The following MUC5B variants were observed in gnomAD, a reference collection of about 807,000 sequenced individuals.
The protein encoded by MUC5B is mucin 5B, oligomeric mucus/gel-forming, also known as mucin-5B.
In MUC5B, 116 loss-of-function variants were observed where a neutral mutation model predicts 376.9. That is an observed-to-expected ratio of 0.31 (90% CI 0.26 to 0.36). The LOEUF is 0.36. MUC5B is among the 10% of genes least tolerant of loss of function. MUC5B has a pLI of 1.00. For synonymous variants in MUC5B, 3,517 were observed against 3,390.9 expected (o/e 1.04, Z -1.29); for missense variants, 7,165 against 7,769.9 (o/e 0.92, Z 2.93).
rs1862914819 is a variant in MUC5B, at chr11:1,258,742, GCCTGCCCAGATTC to G, written c.16594-191_16594-179del. Among the ~76,000 whole-genome samples, 1 of 151,960 alleles carries G rather than the reference GCCTGCCCAGATTC, an allele frequency of 6.6e-6. No individual in the cohort carries two copies. The highest frequency in any genetic ancestry group is 2.4e-5 in the African/African-American group (1 of 41,336). On this transcript the variant is annotated intron_variant, in intron 43 of 48. Coordinates refer to ENST00000529681, the MANE Select transcript of MUC5B (RefSeq NM_002458.3). The surrounding 1 kb of genome is among the most constrained non-coding windows in gnomAD (Gnocchi z 5.5). ...AGATTCCTGCCCACATGGGGTCTCT[GCCTGCCCAGATTC>G]CCTGCCCACCTGTGGTCCCTGTGTG...
chr11:1,233,156 G>T lies in MUC5B; in HGVS notation c.2209G>T (p.Gly737Cys). The T allele has an allele frequency of 6.2e-7, 1 of 1,606,578 alleles. No homozygotes were observed. The highest frequency in any genetic ancestry group is 2.2e-5 in the East Asian group (1 of 44,858). ...TGTGGACGGCTGCACCTGCCCCGCG[G>T]GCACCTTCCTCAATGACGCGGGCGC... ...VPVDGCTCPA[G>C]TFLNDAGACV... Residue 737 changes from glycine to cysteine, a missense_variant, in exon 18 of 49, where the codon GGC becomes TGC. Gly to Cys is a radical substitution (Grantham distance 159). Transcript: ENST00000529681.
intron 38 of MUC5B, 161 bp from the exon 39 acceptor site, chr11:1,256,510 G>C (rs55648801): frequency 0.017 from 599 of 34,250 alleles, 4 homozygotes; most frequent in African/African-American, 0.11. Context: ...CCCCACCCCA[G>C]CCCCACCCGT....
At chr11:1,228,236 T>A in intron 7 of MUC5B, among the ~76,000 whole-genome samples, 1 of 152,208 alleles carries the variant, frequency 6.6e-6, no homozygotes, top group South Asian at 2.1e-4. Flanking sequence ...AGCACTGGAC[T>A]GCCCTGAACC....
At chr11:1,259,108 CCCCCAAGTGAGACCCGAGGCACCT>C in intron 44 of MUC5B, 47 bp downstream of exon 44, 2 of 1,524,440 alleles carry the variant, frequency 1.3e-6, no homozygotes, top group South Asian at 2.4e-5. Context: ...GAGGCACCTG[CCCCCAAGTGAGACCCGAGGCACCT>C]GCCCCCAGGT....
chr11:1,226,971 G>A (rs1861901090), intron 4 of MUC5B, 60 bp from the exon 5 acceptor site: 11 of 1,505,602 alleles, frequency 7.3e-6, no homozygotes, highest in Middle Eastern at 4.5e-4. Flanking sequence ...CTGGGGGGGG[G>A]TTGGGTGGGC....
rs762818 is a variant in MUC5B at position 1,261,182 on chromosome 11, G to A, written c.17070-207G>A. On this transcript the variant is annotated intron_variant, in intron 48 of 48. Coordinates refer to ENST00000529681, the MANE Select transcript of MUC5B (RefSeq NM_002458.3). The stretch of plus-strand genomic sequence containing the variant: ...GACAGGGGAAGTGCAGGCCACAGAA[G>A]ACAGAGCCGGGAGCCAAGGGACCCT... 3.2e-4 allele frequency among the ~76,000 whole-genome samples: 49 copies of A among 152,338 alleles called. 2 individuals carry two copies. The South Asian group carries it at 9.9e-3, about 31-fold the overall frequency.
rs762466398 is a variant in MUC5B, at chr11:1,246,302, C to T, written c.9422C>T (p.Ala3141Val). 1.2e-6 allele frequency: 2 copies of T among 1,601,346 alleles called. No individual in the cohort carries two copies. Among genetic ancestry groups the T allele is most frequent in the East Asian group, 2.3e-5 (1 of 44,050 alleles). Reference protein sequence around the residue: ...TTWILTELTTAATTTAATGPT... With the variant: ...TTWILTELTTVATTTAATGPT... ...TGGATCCTCACAGAGCTGACCACAG[C>T]AGCCACTACAACTGCAGCCACTGGC... is the stretch of plus-strand genomic sequence containing the variant. Residue 3141 changes from alanine to valine, a missense_variant, in exon 31 of 49, where the codon GCA becomes GTA. By Grantham distance (64) the Ala-to-Val change is moderately conservative. Coordinates refer to ENST00000529681, the MANE Select transcript of MUC5B (RefSeq NM_002458.3).
intron 2 of MUC5B, among the ~76,000 whole-genome samples, 198 bp from the exon 3 acceptor site, chr11:1,226,007 C>T (rs1861871943): frequency 1.3e-5 from 2 of 152,268 alleles, no homozygotes; most frequent in African/African-American, 4.8e-5. Context: ...CATGTGTGCA[C>T]ACACAGGCCA....
At chr11:1,232,989 C>T (rs538760532) in intron 17 of MUC5B, 24 bp from the exon 18 acceptor site, 5 of 1,547,044 alleles carry the variant, frequency 3.2e-6, no homozygotes, top group Non-Finnish European at 4.4e-6. Flanking sequence ...GCTGACCTGT[C>T]CCCCCTGGCC....
chr11:1,228,564 G>A lies in MUC5B; in HGVS notation c.775G>A (p.Glu259Lys). The change falls in exon 8 of 49, where the codon GAG becomes AAG. Residue 259 changes from glutamate to lysine, a missense_variant and splice_region_variant. Around this residue, in one of 31 missense-constraint regions of MUC5B, gnomAD observed 640 missense variants for 733.0 expected, o/e 0.87. Coordinates refer to ENST00000529681, the MANE Select transcript of MUC5B (RefSeq NM_002458.3). ...PLPAGNCTDE[E>K]GICHRTLLGP... is the part of the protein sequence containing the mutation. ...CAGCCTGGCCCACTGTGCTCCCCAG[G>A]AGGGCATCTGCCACCGCACCCTGCT... The A allele has an allele frequency of 1.3e-6, 2 of 1,521,322 alleles. No individual in the cohort carries two copies. Among genetic ancestry groups the A allele is most frequent in the Non-Finnish European group, 1.8e-6 (2 of 1,137,148 alleles). 94.2% of individuals were successfully genotyped at this position (1,521,322 alleles called of 1,614,324 possible).
intron 15 of MUC5B, 47 bp from the exon 16 acceptor site, chr11:1,232,403 T>C: frequency 6.5e-7 from 1 of 1,546,022 alleles, no homozygotes; most frequent in South Asian, 1.2e-5. Flanking sequence ...GTCAGGGGTG[T>C]GGGCTTCGGG....
chr11:1,250,154 C>T lies in MUC5B; in HGVS notation c.13274C>T (p.Thr4425Ile). The T allele has an allele frequency of 6.8e-6, 11 of 1,608,246 alleles. 1 individual carries two copies. Among genetic ancestry groups the T allele is most frequent in the Non-Finnish European group, 9.3e-6 (11 of 1,176,690 alleles). The change falls in exon 31 of 49, where the codon ACC becomes ATC. Residue 4425 changes from threonine (T) to isoleucine (I), a missense_variant. By Grantham distance (89) the Thr-to-Ile change is moderately conservative. This residue lies in a region of MUC5B where 431 missense variants were observed against 390.4 expected (regional missense o/e 1.10). Coordinates refer to ENST00000529681, the MANE Select transcript of MUC5B (RefSeq NM_002458.3). Reference sequence around the variant, plus strand: ...ACCACCTGGATCCTCACAGAGCTGACCACAACAGCCACTACGACTGCGTCC... The same window carrying T: ...ACCACCTGGATCCTCACAGAGCTGATCACAACAGCCACTACGACTGCGTCC... ...PGTTWILTEL[T>I]TTATTTASTG...
chr11:1,259,710 T>A, intron 44 of MUC5B, 46 bp from the exon 45 acceptor site: 1 of 1,599,336 alleles, frequency 6.3e-7, no homozygotes, highest in Non-Finnish European at 8.6e-7. Flanking sequence ...CCGGGGCATG[T>A]GCTGGAGGAG....
chr11:1,260,805 C>T (rs1164931974), intron 48 of MUC5B, 77 bp downstream of exon 48: 7 of 1,135,080 alleles, frequency 6.2e-6, no homozygotes, highest in African/African-American at 6.1e-5. Flanking sequence ...TGGCTGGCAG[C>T]CTGCTCTGGG....
chr11:1,258,127 C>T lies in MUC5B; in HGVS notation c.16479C>T (p.Ser5493=), dbSNP rs755541984. The change falls in exon 42 of 49, where the codon AGC becomes AGT. Residue 5493 remains serine (S), a synonymous_variant. Transcript: ENST00000529681. The surrounding 1 kb of genome is among the most constrained non-coding windows in gnomAD (Gnocchi z 5.5). ...CVCNTTTCPQ[S]LPVCPPGQES... ...GCAACACAACCACCTGCCCCCAGAG[C>T]CTGCCTGTGTGCCCGCCAGGGCAGG... is the stretch of plus-strand genomic sequence containing the variant. The T allele has an allele frequency of 2.1e-5, 34 of 1,595,544 alleles. No individual in the cohort carries two copies. Among genetic ancestry groups the T allele is most frequent in the Non-Finnish European group, 2.6e-5 (31 of 1,173,390 alleles).
rs1250957603 is a variant in MUC5B, at chr11:1,258,773, CCT to C, written c.16594-168_16594-167del. 6.6e-6 allele frequency among the ~76,000 whole-genome samples: 1 copy of C among 152,084 alleles called. No individual in the cohort carries two copies. The highest frequency in any genetic ancestry group is 1.5e-5 in the Non-Finnish European group (1 of 67,982). ...CCAGATTCCCTGCCCACCTGTGGTC[CCT>C]GTGTGCATCAGCTCCCTGCCTGCCT... On this transcript the variant is annotated intron_variant, in intron 43 of 48. Transcript: ENST00000529681. The surrounding 1 kb of genome is among the most constrained non-coding windows in gnomAD (Gnocchi z 5.5).
Position 1,226,462 on chromosome 11 carries a change from C to T in MUC5B, c.200-153C>T, listed in dbSNP as rs1268393713. Reference sequence around the variant, plus strand: ...TGGGGACGGGTCAGGGGTCTTGGAGCAAAACAGACGCAGTCCAGGGTGAGC... The same window carrying T: ...TGGGGACGGGTCAGGGGTCTTGGAGTAAAACAGACGCAGTCCAGGGTGAGC... On this transcript the variant is annotated intron_variant, in intron 3 of 48. Coordinates refer to ENST00000529681, the MANE Select transcript of MUC5B (RefSeq NM_002458.3). 3.8e-6 allele frequency: 5 copies of T among 1,300,262 alleles called. No homozygotes were observed. The East Asian group carries it at 1.3e-4, about 33-fold the overall frequency. The allele number at this position is 1,300,262 out of a possible 1,614,324, so 80.5% of individuals were successfully genotyped here.
rs1431631053 is a variant in MUC5B, at chr11:1,229,816, G to A, written c.1220+9G>A. 7 of 1,587,672 alleles carry A rather than the reference G, an allele frequency of 4.4e-6. No individual in the cohort carries two copies. Among genetic ancestry groups the A allele is most frequent in the South Asian group, 3.4e-5 (3 of 87,592 alleles). On this transcript the variant is annotated intron_variant, in intron 10 of 48. Coordinates refer to ENST00000529681, the MANE Select transcript of MUC5B (RefSeq NM_002458.3). The stretch of plus-strand genomic sequence containing the variant: ...ACCACCTGCAGCTCCTGGTACTTAT[G>A]AGCCCACCAGCCTCCGCCTGGGGTG...
At chr11:1,226,984 G>A (rs1564931078) in intron 4 of MUC5B, 47 bp from the exon 5 acceptor site, 2 of 1,577,706 alleles carry the variant, frequency 1.3e-6, no homozygotes, top group Non-Finnish European at 1.7e-6. Flanking sequence ...GGGTGGGCAG[G>A]CAGCCAGGAG....
Sources: gnomAD v4.1 joint callset for allele counts (sites outside exome capture counted in the v4.1 genomes callset) on GRCh38, gnomAD v4.1.1 for gene constraint, gnomAD v4.1.1 regional missense constraint, Gnocchi (gnomAD v3.1) non-coding constraint, MANE v1.5 for transcripts, NCBI Gene and HGNC (gene_info 2026-07-23, HGNC 2026-07-21) for gene names.